Variants in SPATA31C2 observed in about 807,000 individuals in gnomAD.
SPATA31C2 encodes the protein spermatogenesis-associated protein 31C2.
SPATA31C2 carries 5 observed loss-of-function variants against 11.4 expected under a neutral mutation model. The ratio of observed to expected loss-of-function variants is 0.44; its 90% CI spans 0.23 to 0.92. The LOEUF is 0.92. Among genes scored for constraint, SPATA31C2 ranks in the 40% least tolerant of loss-of-function variants. The pLI, the probability that SPATA31C2 is intolerant of heterozygous loss-of-function variation, is 0.24. For missense variants in SPATA31C2, 1,353 were observed against 1,368.6 expected (o/e 0.99, Z 0.18); for synonymous variants, 515 against 538.7 (o/e 0.96, Z 0.61).
chr9:88,133,906 C>A (rs671350), intron 1 of SPATA31C2, among the ~76,000 whole-genome samples: 1 of 152,128 alleles, frequency 6.6e-6, no homozygotes, highest in African/African-American at 2.4e-5. Flanking sequence ...CCTATAATCC[C>A]AGCACTTTGG....
chr9:88,132,000 G>A lies in SPATA31C2; in HGVS notation c.1037C>T (p.Thr346Ile), dbSNP rs553025422. The change falls in exon 4 of 4, where the codon ACA (threonine) becomes ATA (isoleucine). Residue 346 changes from threonine (T) to isoleucine (I), a missense_variant. Thr to Ile is a moderately conservative substitution (Grantham distance 89, BLOSUM62 -1). Around this residue, in one of 6 missense-constraint regions of SPATA31C2, gnomAD observed 1,075 missense variants for 992.8 expected, o/e 1.08. Coordinates refer to ENST00000324915, the MANE Select transcript of SPATA31C2 (RefSeq NM_001350978.3). ...FISSTPQFWP[T>I]PMAQAEAQAH... is the part of the protein sequence containing the mutation. ...CTGAGCCTCGGCCTGAGCCATAGGT[G>A]TGGGCCAGAATTGGGGTGTGGATGA... is the stretch of plus-strand genomic sequence containing the variant. The A allele has an allele frequency of 1.2e-6, 2 of 1,611,076 alleles. No homozygotes were observed. The highest frequency in any genetic ancestry group is 1.3e-5 in the African/African-American group (1 of 74,992).
rs1228383447 is a variant in SPATA31C2 at position 88,132,452 on chromosome 9, A to G, written c.585T>C (p.Pro195=). The G allele has an allele frequency of 6.2e-7, 1 of 1,611,040 alleles. No homozygotes were observed. The highest frequency in any genetic ancestry group is 1.3e-5 in the African/African-American group (1 of 74,738). The part of the protein sequence containing the change: ...SSLSASQPPE[P]SLLLEHPSPE... ...GTGAGGGATGTTCTAGGAGAAGGGA[A>G]GGTTCTGGTGGCTGGGAGGCACTTA... is the stretch of plus-strand genomic sequence containing the variant. Residue 195 remains proline, a synonymous_variant, in exon 4 of 4, where the codon CCT becomes CCC. Transcript: ENST00000324915.
rs769341390 is a variant in SPATA31C2 at position 88,130,530 on chromosome 9, A to C, written c.2507T>G (p.Leu836Arg). Residue 836 changes from leucine to arginine, a missense_variant, in exon 4 of 4, where the codon CTA (leucine) becomes CGA (arginine). By Grantham distance (102) the Leu-to-Arg change is moderately radical. This residue lies in a region of SPATA31C2 where 1,075 missense variants were observed against 992.8 expected (regional missense o/e 1.08). Transcript: ENST00000324915. Reference sequence around the variant, plus strand: ...TTGGGAGACAGACATTCTAGGGAGTAGAGAGCTTTTGCTGGCGCCTGGAGC... The same window carrying C: ...TTGGGAGACAGACATTCTAGGGAGTCGAGAGCTTTTGCTGGCGCCTGGAGC... ...FKAPGASKSSLLPRMSVSQDP... is the reference protein window; with the variant it reads ...FKAPGASKSSRLPRMSVSQDP... 14 of 1,613,364 alleles carry C rather than the reference A, an allele frequency of 8.7e-6. No homozygotes were observed. In the African/African-American group the frequency reaches 1.3e-4, roughly 15 times the overall value.
chr9:88,134,027 G>A (rs1269217652), intron 1 of SPATA31C2, among the ~76,000 whole-genome samples: 36 of 149,476 alleles, frequency 2.4e-4, no homozygotes, highest in African/African-American at 8.1e-4. Flanking sequence ...GGTGGCGGGC[G>A]CCTGTAATCC....
chr9:88,136,307 A>G (rs980777147), intron 1 of SPATA31C2, among the ~76,000 whole-genome samples: 1 of 141,806 alleles, frequency 7.1e-6, no homozygotes, highest in Admixed American at 7.3e-5. Context: ...AAGTTATTTT[A>G]TTTTCTCATT....
rs775923598 is a variant in SPATA31C2, at chr9:88,131,821, G to C, written c.1216C>G (p.Leu406Val). ...GAGGGTAAAGCCAACCCACCTTCTA[G>C]TTGTTTCTTCAACAAAGGCCTTTCA... Reference protein sequence around the residue: ...HPERPLLKKQLEGGLALPSRV... With the variant: ...HPERPLLKKQVEGGLALPSRV... Residue 406 changes from leucine to valine, a missense_variant, in exon 4 of 4, where the codon CTA becomes GTA. Physicochemically the swap from Leu to Val is conservative, Grantham distance 32. Around this residue, in one of 6 missense-constraint regions of SPATA31C2, gnomAD observed 1,075 missense variants for 992.8 expected, o/e 1.08. Coordinates refer to ENST00000324915, the MANE Select transcript of SPATA31C2 (RefSeq NM_001350978.3). 8 of 1,611,410 alleles carry C rather than the reference G, an allele frequency of 5.0e-6. No homozygotes were observed. Among genetic ancestry groups the C allele is most frequent in the Non-Finnish European group, 5.9e-6 (7 of 1,179,524 alleles).
chr9:88,136,889 A>C lies in SPATA31C2; in HGVS notation c.189+1369T>G, dbSNP rs530588327. ...CCCCTCCACCCTGCTCTGTGGCTAT[A>C]AAATTTCTATTCAGAGGGAAACCTG... On this transcript the variant is annotated intron_variant, in intron 1 of 3. Coordinates refer to ENST00000324915, the MANE Select transcript of SPATA31C2 (RefSeq NM_001350978.3). 4.7e-5 allele frequency among the ~76,000 whole-genome samples: 6 copies of C among 128,872 alleles called. No individual in the cohort carries two copies. The South Asian group carries it at 1.6e-3, about 34-fold the overall frequency. The allele number at this position is 128,872 out of a possible 152,430, so 84.5% of individuals were successfully genotyped here.
At chr9:88,134,540 C>T (rs1378040056) in intron 1 of SPATA31C2, among the ~76,000 whole-genome samples, 1 of 147,320 alleles carries the variant, frequency 6.8e-6, no homozygotes, top group South Asian at 2.2e-4. Context: ...TGCCTTCATG[C>T]CTCCTGCGCT....
rs1587688813 is a variant in SPATA31C2 at position 88,132,660 on chromosome 9, G to A, written c.377C>T (p.Pro126Leu). The A allele has an allele frequency of 6.2e-7, 1 of 1,608,478 alleles. No homozygotes were observed. Among genetic ancestry groups the A allele is most frequent in the African/African-American group, 1.3e-5 (1 of 74,222 alleles). ...TTTGCCCACCTCACCTGGCGGGTCT[G>A]GACCAGAGAGCTGACCAAAGTCACC... ...EKGDFGQLSGPDPPGEVGKRT... is the reference protein window; with the variant it reads ...EKGDFGQLSGLDPPGEVGKRT... Residue 126 changes from proline (P) to leucine (L), a missense_variant, in exon 4 of 4, where the codon CCA becomes CTA. Around this residue, in one of 6 missense-constraint regions of SPATA31C2, gnomAD observed 1,075 missense variants for 992.8 expected, o/e 1.08. Coordinates refer to ENST00000324915, the MANE Select transcript of SPATA31C2 (RefSeq NM_001350978.3).
Position 88,130,254 on chromosome 9 carries a change from T to A in SPATA31C2, c.2783A>T (p.Asn928Ile). Residue 928 changes from asparagine (N) to isoleucine (I), a missense_variant, in exon 4 of 4, where the codon AAC becomes ATC. Asn to Ile is a moderately radical substitution (Grantham distance 149). Transcript: ENST00000324915. Reference sequence around the variant, plus strand: ...GTTCCTGGGCTCCTTGTGCCCCATGTTACTCCTTCTGGCTGACATGAGGTC... The same window carrying A: ...GTTCCTGGGCTCCTTGTGCCCCATGATACTCCTTCTGGCTGACATGAGGTC... ...LCDLMSARRS[N>I]MGHKEPRNPN... 6.2e-7 allele frequency: 1 copy of A among 1,609,414 alleles called. No homozygotes were observed. Among genetic ancestry groups the A allele is most frequent in the South Asian group, 1.1e-5 (1 of 90,914 alleles).
chr9:88,133,766 T>G, intron 1 of SPATA31C2, 97 bp from the exon 2 acceptor site: 1 of 1,428,180 alleles, frequency 7.0e-7, no homozygotes, highest in Admixed American at 1.9e-5. Flanking sequence ...CATGGCTCTG[T>G]CTGTCTTGCT....
chr9:88,136,714 C>T (rs1276191450), intron 1 of SPATA31C2, among the ~76,000 whole-genome samples: 1 of 139,484 alleles, frequency 7.2e-6, no homozygotes, highest in Non-Finnish European at 1.5e-5. Context: ...CCTCCATCTT[C>T]ATATCTGACC....
At position 88,135,471 on chromosome 9, in the gene SPATA31C2, A is replaced by G. The variant is rs1376444004; in HGVS notation, c.190-1802T>C. 2.0e-4 allele frequency among the ~76,000 whole-genome samples: 23 copies of G among 113,302 alleles called. No individual in the cohort carries two copies. In the South Asian group the frequency reaches 6.7e-3, roughly 33 times the overall value. 74.3% of individuals were successfully genotyped at this position (113,302 alleles called of 152,430 possible). On this transcript the variant is annotated intron_variant, in intron 1 of 3. Transcript: ENST00000324915. ...TTTAGTTTTGCAAATTTTGAATAGT[A>G]AGTTTTAAAAAATTATTTCTATCTC...
Position 88,130,127 on chromosome 9 carries a change from C to T in SPATA31C2, c.2910G>A (p.Met970Ile). The T allele has an allele frequency of 1.2e-6, 2 of 1,608,086 alleles. No individual in the cohort carries two copies. The highest frequency in any genetic ancestry group is 1.7e-6 in the Non-Finnish European group (2 of 1,177,552). ...GTTGAGGAGTCCTCAATCCTTGAAA[C>T]ATTTCTTCATGTTTTTCTAAGTTGG... ...RKPNLEKHEEMFQGLRTPQLT... is the reference protein window; with the variant it reads ...RKPNLEKHEEIFQGLRTPQLT... Residue 970 changes from methionine to isoleucine, a missense_variant, in exon 4 of 4, where the codon ATG becomes ATA. By Grantham distance (10) the Met-to-Ile change is conservative. This residue lies in a region of SPATA31C2 where 187 missense variants were observed against 205.8 expected (regional missense o/e 0.91). Transcript: ENST00000324915.
intron 1 of SPATA31C2, among the ~76,000 whole-genome samples, chr9:88,135,291 T>G (rs1587690323): frequency 8.9e-6 from 1 of 112,810 alleles, no homozygotes; most frequent in Middle Eastern, 3.8e-3. Context: ...ACCTATTTCA[T>G]AGCCTTTGAA....
In SPATA31C2 at chr9:88,133,734, A is replaced by G. The variant is rs576223956; in HGVS notation, c.190-65T>C. ...CCCTCTCTGCCCCCAGCCCAGCCGCAGCACGCTGCACTCATGAACCGCATG... is the reference window on the plus strand; with the variant it reads ...CCCTCTCTGCCCCCAGCCCAGCCGCGGCACGCTGCACTCATGAACCGCATG... On this transcript the variant is annotated intron_variant, in intron 1 of 3. Coordinates refer to ENST00000324915, the MANE Select transcript of SPATA31C2 (RefSeq NM_001350978.3). 3 of 1,507,182 alleles carry G rather than the reference A, an allele frequency of 2.0e-6. No individual in the cohort carries two copies. In the South Asian group the frequency reaches 3.6e-5, roughly 18 times the overall value. 93.4% of individuals were successfully genotyped at this position (1,507,182 alleles called of 1,614,324 possible).
chr9:88,136,356 T>C (rs1247916717), intron 1 of SPATA31C2, among the ~76,000 whole-genome samples: 9 of 136,100 alleles, frequency 6.6e-5, no homozygotes, highest in African/African-American at 2.3e-4. Context: ...TATCGGTTCG[T>C]GCCTTTAGCC....
intron 1 of SPATA31C2, among the ~76,000 whole-genome samples, chr9:88,135,831 G>C (rs371763060): frequency 0.065 from 7,856 of 120,758 alleles, 33 homozygotes; most frequent in Middle Eastern, 0.095. Context: ...ATCTCACTTT[G>C]AATCAAAGGG....
Position 88,130,443 on chromosome 9 carries a change from G to T in SPATA31C2, c.2594C>A (p.Thr865Lys), listed in dbSNP as rs747234593. Residue 865 changes from threonine (T) to lysine (K), a missense_variant, in exon 4 of 4, where the codon ACG becomes AAG. Thr to Lys is a moderately conservative substitution (Grantham distance 78). Coordinates refer to ENST00000324915, the MANE Select transcript of SPATA31C2 (RefSeq NM_001350978.3). ...AVSEFEPGKA[T>K]KSETQPQVSA... ...AACTTGAGGCTGGGTCTCTGACTTC[G>T]TGGCCTTTCCAGGCTCAAATTCACT... is the stretch of plus-strand genomic sequence containing the variant. 1.2e-5 allele frequency: 20 copies of T among 1,613,236 alleles called. No homozygotes were observed. The highest frequency in any genetic ancestry group is 8.9e-5 in the East Asian group (4 of 44,820).
Sources: gnomAD v4.1 joint callset for allele counts (sites outside exome capture counted in the v4.1 genomes callset) on GRCh38, gnomAD v4.1.1 for gene constraint, gnomAD v4.1.1 regional missense constraint, MANE v1.5 for transcripts, NCBI Gene and HGNC (gene_info 2026-07-23, HGNC 2026-07-21) for gene names.